SLCO3A1: variants seen among roughly 807,000 people sequenced by gnomAD.
SLCO3A1 encodes PGE1 transporter.
Under a neutral mutation model 63.1 loss-of-function variants are expected in SLCO3A1, and 27 were observed. That is an observed-to-expected ratio of 0.43 (90% CI 0.32 to 0.59). SLCO3A1 has a LOEUF of 0.59. Ranked by LOEUF, SLCO3A1 falls within the 20% of genes least tolerant of loss-of-function variation. The pLI is 0.09. For missense variants in SLCO3A1, 773 were observed against 945.8 expected (o/e 0.82, Z 2.40); for synonymous variants, 473 against 409.9 (o/e 1.15, Z -1.86).
Position 91,854,259 on chromosome 15 carries a change from G to A in SLCO3A1, c.180+171G>A. On this transcript the variant is annotated intron_variant, in intron 1 of 9. Transcript: ENST00000318445. This position sits in a 1 kb window ranked among gnomAD's most constrained non-coding sequence, Gnocchi z 6.4. Reference sequence around the variant, plus strand: ...GCGGCCGCCGGGGGAGCTGCCGGCCGGGGCTGCCAGCGAGCGGGTAGCGGG... The same window carrying A: ...GCGGCCGCCGGGGGAGCTGCCGGCCAGGGCTGCCAGCGAGCGGGTAGCGGG... The A allele has an allele frequency of 4.4e-6, 5 of 1,135,344 alleles. No individual in the cohort carries two copies. The South Asian group carries it at 1.8e-4, about 41-fold the overall frequency. 70.3% of individuals were successfully genotyped at this position (1,135,344 alleles called of 1,614,324 possible). A position where few individuals can be genotyped will look rare whatever the true frequency, so the allele number is the denominator to read the frequency against.
chr15:91,855,749 T>G (rs969220715), intron 1 of SLCO3A1, among the ~76,000 whole-genome samples: 1 of 152,126 alleles, frequency 6.6e-6, no homozygotes, highest in African/African-American at 2.4e-5. Context: ...ATTAATAAAA[T>G]ATATGTGGGT....
chr15:91,921,617 A>C (rs1397298628), intron 2 of SLCO3A1, among the ~76,000 whole-genome samples: 1 of 152,180 alleles, frequency 6.6e-6, no homozygotes, highest in Non-Finnish European at 1.5e-5. Context: ...AGTCCCCTGT[A>C]TCCTTCTTCC....
In SLCO3A1 at chr15:91,955,371, C is replaced by T. The variant is rs532950682; in HGVS notation, c.646+38913C>T. On this transcript the variant is annotated intron_variant, in intron 2 of 9. Coordinates refer to ENST00000318445, the MANE Select transcript of SLCO3A1 (RefSeq NM_013272.4). Reference sequence around the variant, plus strand: ...TTTTTGAAACAGAGTCTCGCTCTGTCACCCAGGCTAGAGTGCAATGGCGTG... The same window carrying T: ...TTTTTGAAACAGAGTCTCGCTCTGTTACCCAGGCTAGAGTGCAATGGCGTG... Among the ~76,000 whole-genome samples, 9 of 151,132 alleles carry T rather than the reference C, an allele frequency of 6.0e-5. No individual in the cohort carries two copies. In the South Asian group the frequency reaches 1.9e-3, roughly 31 times the overall value.
chr15:92,034,914 A>G (rs1332104181), intron 2 of SLCO3A1, among the ~76,000 whole-genome samples: 5 of 151,988 alleles, frequency 3.3e-5, no homozygotes, highest in Admixed American at 6.6e-5. Flanking sequence ...TAATCTGTCA[A>G]GTGATCTACG....
chr15:92,170,244 G>A (rs2048514211), downstream of SLCO3A1, among the ~76,000 whole-genome samples: 2 of 152,126 alleles, frequency 1.3e-5, no homozygotes, highest in African/African-American at 2.4e-5. Flanking sequence ...TTTACAAAAT[G>A]TTCTACAGAA....
At chr15:91,855,607 CTA>C (rs2141828195) in intron 1 of SLCO3A1, among the ~76,000 whole-genome samples, 1 of 152,260 alleles carries the variant, frequency 6.6e-6, no homozygotes, top group East Asian at 1.9e-4. Context: ...CAGACAGTAC[CTA>C]TTAGCCCTTG....
chr15:92,169,834 C>G (rs552086508), downstream of SLCO3A1, among the ~76,000 whole-genome samples: 1 of 152,194 alleles, frequency 6.6e-6, no homozygotes, highest in Non-Finnish European at 1.5e-5. Context: ...GTTCAAGTCC[C>G]TGGTCAAACT....
At chr15:91,939,239 TGGGAG>T (rs1899528564) in intron 2 of SLCO3A1, among the ~76,000 whole-genome samples, 2 of 151,848 alleles carry the variant, frequency 1.3e-5, no homozygotes, top group South Asian at 4.2e-4. Context: ...GAGAGAGAAT[TGGGAG>T]GTGCCACACA....
rs746711188 is a variant in SLCO3A1 at position 91,860,857 on chromosome 15, C to T, written c.180+6769C>T. 2.0e-5 allele frequency among the ~76,000 whole-genome samples: 3 copies of T among 152,186 alleles called. No individual in the cohort carries two copies. The highest frequency in any genetic ancestry group is 2.1e-4 in the South Asian group (1 of 4,830). On this transcript the variant is annotated intron_variant, in intron 1 of 9. Coordinates refer to ENST00000318445, the MANE Select transcript of SLCO3A1 (RefSeq NM_013272.4). The surrounding 1 kb of genome is among the most constrained non-coding windows in gnomAD (Gnocchi z 5.5). The stretch of plus-strand genomic sequence containing the variant: ...AAGCAGGTCTGTGGGCATTTCCCCA[C>T]GCTTGGTCTTTTTTTTTGGTTTCTC...
chr15:92,090,011 G>A (rs745404479), intron 2 of SLCO3A1, among the ~76,000 whole-genome samples: 1 of 152,112 alleles, frequency 6.6e-6, no homozygotes, highest in African/African-American at 2.4e-5. Context: ...GTAGCTGCTC[G>A]AAAACCATGA....
chr15:92,080,306 G>A (rs1209416899), intron 2 of SLCO3A1, among the ~76,000 whole-genome samples: 1 of 152,094 alleles, frequency 6.6e-6, no homozygotes, highest in East Asian at 1.9e-4. Context: ...CTGCCCCTAT[G>A]GAAAAGGTGA....
Position 91,883,639 on chromosome 15 carries a change from G to A in SLCO3A1, c.180+29551G>A, listed in dbSNP as rs1897652026. 6.6e-6 allele frequency among the ~76,000 whole-genome samples: 1 copy of A among 152,204 alleles called. No homozygotes were observed. Among genetic ancestry groups the A allele is most frequent in the Admixed American group, 6.5e-5 (1 of 15,282 alleles). On this transcript the variant is annotated intron_variant, in intron 1 of 9. Coordinates refer to ENST00000318445, the MANE Select transcript of SLCO3A1 (RefSeq NM_013272.4). This position sits in a 1 kb window ranked among gnomAD's most constrained non-coding sequence, Gnocchi z 4.8. Reference sequence around the variant, plus strand: ...AAGTTGTGATTTATAAGCCTTAATAGTTACTAAGGCAATGCATTGATACAT... The same window carrying A: ...AAGTTGTGATTTATAAGCCTTAATAATTACTAAGGCAATGCATTGATACAT...
At chr15:91,922,174 A>C (rs1329852881) in intron 2 of SLCO3A1, among the ~76,000 whole-genome samples, 1 of 145,086 alleles carries the variant, frequency 6.9e-6, no homozygotes, top group Non-Finnish European at 1.5e-5. Context: ...TGTGTGTGTT[A>C]GGCAGACACA....
At chr15:92,074,041 G>T (rs1489275959) in intron 2 of SLCO3A1, among the ~76,000 whole-genome samples, 2 of 152,178 alleles carry the variant, frequency 1.3e-5, no homozygotes, top group East Asian at 3.9e-4. Context: ...CATGGTGTCA[G>T]GCACCTGTAA....
At chr15:91,926,358 A>G (rs1375885847) in intron 2 of SLCO3A1, among the ~76,000 whole-genome samples, 2 of 152,238 alleles carry the variant, frequency 1.3e-5, no homozygotes, top group African/African-American at 2.4e-5. Flanking sequence ...GGGCAGGAGC[A>G]TGTTGAGCAT....
At chr15:92,125,814 G>C (rs1404149182) in intron 5 of SLCO3A1, among the ~76,000 whole-genome samples, 1 of 151,756 alleles carries the variant, frequency 6.6e-6, no homozygotes, top group Non-Finnish European at 1.5e-5. Flanking sequence ...CCACTTAGCA[G>C]GACAGGTGCG....
chr15:91,964,332 T>G (rs1900576494), intron 2 of SLCO3A1, among the ~76,000 whole-genome samples: 1 of 152,162 alleles, frequency 6.6e-6, no homozygotes, highest in East Asian at 1.9e-4. Flanking sequence ...AGGTGAAATA[T>G]TTGATAGTGC....
rs1233453475 is a variant in SLCO3A1 at position 92,047,537 on chromosome 15, ATATAT to A, written c.647-47343_647-47339del. On this transcript the variant is annotated intron_variant, in intron 2 of 9. Transcript: ENST00000318445. The stretch of plus-strand genomic sequence containing the variant: ...TAAATACATAAATAAATATATAAAT[ATATAT>A]AATATATAAATATATAAATATATAT... Among the ~76,000 whole-genome samples the A allele has an allele frequency of 3.9e-3, 96 of 24,510 alleles. 18 individuals are homozygous for A. The highest frequency in any genetic ancestry group is 7.3e-3 in the African/African-American group (32 of 4,392). The allele number at this position is 24,510 out of a possible 152,430, so 16.1% of individuals were successfully genotyped here. A position where few individuals can be genotyped will look rare whatever the true frequency, so the allele number is the denominator to read the frequency against.
intron 2 of SLCO3A1, among the ~76,000 whole-genome samples, chr15:91,972,755 G>A (rs1236055085): frequency 6.6e-6 from 1 of 152,174 alleles, no homozygotes; most frequent in Non-Finnish European, 1.5e-5. Flanking sequence ...CCTCTGGTGT[G>A]GTTCCTGGTG....
Sources: allele counts gnomAD v4.1 joint callset (sites outside exome capture counted in the v4.1 genomes callset), GRCh38; gene constraint gnomAD v4.1.1; non-coding constraint Gnocchi (gnomAD v3.1); transcripts MANE v1.5; gene names NCBI Gene and HGNC (gene_info 2026-07-23, HGNC 2026-07-21).